The following ZNF469 variants were observed in gnomAD, a reference collection of about 807,000 sequenced individuals.
ZNF469 encodes the protein zinc finger protein 469.
ZNF469 carries 1 observed loss-of-function variant against 1.0 expected under a neutral mutation model. The observed-to-expected ratio is 1.00, with a 90% confidence interval of 0.35 to 4.73. The LOEUF is 4.73. ZNF469 is among the 30% of genes most tolerant of loss of function. The pLI, the probability that ZNF469 is intolerant of heterozygous loss-of-function variation, is 0.16. For missense variants in ZNF469, 6,100 were observed against 5,356.3 expected (o/e 1.14, Z -4.33); for synonymous variants, 2,703 against 2,363.4 (o/e 1.14, Z -4.17).
chr16:88,308,996 G>A, the ZNF469 span, among the ~76,000 whole-genome samples: 4 of 152,258 alleles, frequency 2.6e-5, no homozygotes, highest in South Asian at 2.1e-4. Flanking sequence ...CTGAGCCACC[G>A]TGCAAAGGGC....
At chr16:88,411,210 C>T (rs531594926) in intron 1 of ZNF469, among the ~76,000 whole-genome samples, 2 of 152,366 alleles carry the variant, frequency 1.3e-5, no homozygotes, top group African/African-American at 4.8e-5. Context: ...CTCCACCCAA[C>T]CTCAGCAATG....
At chr16:88,135,090 C>T in the ZNF469 span, among the ~76,000 whole-genome samples, 1 of 152,224 alleles carries the variant, frequency 6.6e-6, no homozygotes, top group Non-Finnish European at 1.5e-5. Flanking sequence ...AGAAGGGGCT[C>T]CTGACCACCT....
the ZNF469 span, among the ~76,000 whole-genome samples, chr16:88,374,870 G>A: frequency 6.6e-6 from 1 of 152,212 alleles, no homozygotes; most frequent in Admixed American, 6.5e-5. Context: ...GGTGATGCAG[G>A]CCCCAGCACA....
At position 88,437,478 on chromosome 16, in the gene ZNF469, C is replaced by T. The variant is rs1906676153; in HGVS notation, c.10008C>T (p.Ser3336=). The T allele has an allele frequency of 6.5e-7, 1 of 1,537,642 alleles. No homozygotes were observed. Among genetic ancestry groups the T allele is most frequent in the South Asian group, 1.2e-5 (1 of 83,460 alleles). The change falls in exon 3 of 3, where the codon TCC becomes TCT. Residue 3336 remains serine (S), a synonymous_variant. Coordinates refer to ENST00000565624, the MANE Select transcript of ZNF469 (RefSeq NM_001367624.2). Reference sequence around the variant, plus strand: ...TGCACGAGGCCTGCAAGGACCCCTCCCGCGACTGCCACCACTGCGGGAAGC... The same window carrying T: ...TGCACGAGGCCTGCAAGGACCCCTCTCGCGACTGCCACCACTGCGGGAAGC... ...TPVHEACKDP[S]RDCHHCGKRF...
In ZNF469 at chr16:88,435,912, C is replaced by T; in HGVS notation, c.8442C>T (p.Thr2814=). 1.3e-6 allele frequency: 2 copies of T among 1,550,146 alleles called. No individual in the cohort carries two copies. Among genetic ancestry groups the T allele is most frequent in the Non-Finnish European group, 1.7e-6 (2 of 1,146,974 alleles). The change falls in exon 3 of 3, where the codon ACC becomes ACT. Residue 2814 remains threonine (T), a synonymous_variant. Transcript: ENST00000565624. ...CCAGCTCTCCGGCGGACAGCACCACCAGCAGCTGCCTCCAGGGCCTCCCGG... is the reference window on the plus strand; with the variant it reads ...CCAGCTCTCCGGCGGACAGCACCACTAGCAGCTGCCTCCAGGGCCTCCCGG... ...ETSSSPADST[T]SSCLQGLPDN... is the part of the protein sequence containing the mutation.
chr16:88,141,277 G>C, the ZNF469 span, among the ~76,000 whole-genome samples: 4 of 152,236 alleles, frequency 2.6e-5, no homozygotes, highest in African/African-American at 7.2e-5. Flanking sequence ...AGAAGTTAAA[G>C]CAGTTGTGTA....
chr16:88,192,413 C>T, the ZNF469 span, among the ~76,000 whole-genome samples: 1 of 152,148 alleles, frequency 6.6e-6, no homozygotes, highest in Non-Finnish European at 1.5e-5. Flanking sequence ...ACATCAAGGT[C>T]TTGTCTACTT....
At chr16:88,220,614 A>T in the ZNF469 span, among the ~76,000 whole-genome samples, 1 of 152,072 alleles carries the variant, frequency 6.6e-6, no homozygotes, top group East Asian at 1.9e-4. Context: ...TGACACTGTG[A>T]ACTAATCACA....
At chr16:88,112,046 C>G in the ZNF469 span, among the ~76,000 whole-genome samples, 3 of 152,300 alleles carry the variant, frequency 2.0e-5, no homozygotes, top group South Asian at 6.2e-4. Flanking sequence ...CTGAATAGTA[C>G]TACGTTGTGT....
At chr16:88,260,866 C>G in the ZNF469 span, among the ~76,000 whole-genome samples, 2 of 151,996 alleles carry the variant, frequency 1.3e-5, no homozygotes, top group African/African-American at 2.4e-5. The surrounding 1 kb of genome is among the most constrained non-coding windows in gnomAD (Gnocchi z 4.1). Flanking sequence ...CAGGAGGTCC[C>G]GATAAGAGGG....
the ZNF469 span, among the ~76,000 whole-genome samples, chr16:88,247,516 GT>G: frequency 2.2e-5 from 3 of 138,970 alleles, no homozygotes; most frequent in Admixed American, 2.3e-4. Flanking sequence ...GAATGAGTGA[GT>G]GAGTGAATGA....
Position 88,437,635 on chromosome 16 carries a change from G to A in ZNF469, c.10165G>A (p.Gly3389Arg). 8.4e-6 allele frequency: 13 copies of A among 1,541,998 alleles called. No homozygotes were observed. The highest frequency in any genetic ancestry group is 1.1e-5 in the Non-Finnish European group (13 of 1,140,874). The change falls in exon 3 of 3, where the codon GGG (glycine) becomes AGG (arginine). Residue 3389 changes from glycine (G) to arginine (R), a missense_variant. By Grantham distance (125) the Gly-to-Arg change is moderately radical. Transcript: ENST00000565624. The stretch of plus-strand genomic sequence containing the variant: ...GCTGGCACACCTGGGCGGGGCGCAC[G>A]GGCTGCTGGAGCGGCCGGAGCTGCA... ...ELLAHLGGAH[G>R]LLERPELQHT...
At chr16:88,326,986 C>T in the ZNF469 span, among the ~76,000 whole-genome samples, 1 of 152,198 alleles carries the variant, frequency 6.6e-6, no homozygotes, top group Admixed American at 6.5e-5. Context: ...GTCTGTCTGT[C>T]TTTGGTTTGA....
chr16:88,229,777 A>G, the ZNF469 span, among the ~76,000 whole-genome samples: 113,598 of 152,062 alleles, frequency 0.75, 44,325 homozygotes, highest in Middle Eastern at 0.88. Context: ...ACTGCTTCCC[A>G]CAACAATGGT....
At chr16:88,407,516 G>T (rs1198535172) in intron 1 of ZNF469, among the ~76,000 whole-genome samples, 3 of 152,220 alleles carry the variant, frequency 2.0e-5, no homozygotes, top group African/African-American at 7.2e-5. Context: ...GACACCGAAC[G>T]AGGCCGTGTG....
At chr16:88,227,581 C>A in the ZNF469 span, among the ~76,000 whole-genome samples, 32 of 148,646 alleles carry the variant, frequency 2.2e-4, no homozygotes, top group African/African-American at 6.4e-4. Flanking sequence ...CTGGCCCCCC[C>A]CTTCTCCCTC....
the ZNF469 span, among the ~76,000 whole-genome samples, chr16:88,211,022 C>T: frequency 6.6e-6 from 1 of 152,272 alleles, no homozygotes; most frequent in African/African-American, 2.4e-5. Context: ...CGTTGAGTGG[C>T]CTTGGCCAGG....
At chr16:88,293,011 A>G in the ZNF469 span, among the ~76,000 whole-genome samples, 1 of 152,184 alleles carries the variant, frequency 6.6e-6, no homozygotes, top group African/African-American at 2.4e-5. Flanking sequence ...GATCAATGGC[A>G]TGGCCTCTAC....
At chr16:88,295,957 A>G in the ZNF469 span, among the ~76,000 whole-genome samples, 1 of 152,204 alleles carries the variant, frequency 6.6e-6, no homozygotes, top group Non-Finnish European at 1.5e-5. Flanking sequence ...TTGACTGTCA[A>G]TAGAGAAAGG....
Sources: gnomAD v4.1 joint callset for allele counts (sites outside exome capture counted in the v4.1 genomes callset) on GRCh38, gnomAD v4.1.1 for gene constraint, Gnocchi (gnomAD v3.1) non-coding constraint, MANE v1.5 for transcripts, NCBI Gene and HGNC (gene_info 2026-07-23, HGNC 2026-07-21) for gene names.